Variants in BCKDHB observed in about 807,000 individuals in gnomAD.
BCKDHB encodes 2-oxoisovalerate dehydrogenase subunit beta, mitochondrial.
A neutral mutation model predicts 48.5 loss-of-function variants in BCKDHB; 41 were observed. The observed-to-expected ratio is 0.85, with a 90% CI of 0.66 to 1.10. The LOEUF is 1.10. Ranked by LOEUF, BCKDHB falls within the 50% of genes least tolerant of loss-of-function variation. BCKDHB has a pLI of 0.00. For missense variants in BCKDHB, 496 were observed against 494.2 expected, an observed-to-expected ratio of 1.00 and a Z score of -0.03; for synonymous variants, 201 against 174.8, an observed-to-expected ratio of 1.15 and a Z score of -1.18.
intron 3 of BCKDHB, among the ~76,000 whole-genome samples, chr6:80,152,254 T>C (rs1273700191): frequency 2.6e-5 from 4 of 152,198 alleles, no homozygotes; most frequent in African/African-American, 9.7e-5. Context: ...ACTCCAACTT[T>C]AATCTCTTAG....
chr6:80,326,949 T>C (rs1289976526), intron 9 of BCKDHB, among the ~76,000 whole-genome samples: 1 of 152,182 alleles, frequency 6.6e-6, no homozygotes, highest in African/African-American at 2.4e-5. Flanking sequence ...GCCTTGTTTA[T>C]TACTTGACTC....
intron 8 of BCKDHB, among the ~76,000 whole-genome samples, chr6:80,205,734 G>T (rs1041617145): frequency 6.6e-6 from 1 of 151,326 alleles, no homozygotes; most frequent in Non-Finnish European, 1.5e-5. Context: ...GAAAAGCACA[G>T]TAGAAAATTC....
chr6:80,156,637 C>T (rs1387076859), intron 3 of BCKDHB, among the ~76,000 whole-genome samples: 1 of 152,102 alleles, frequency 6.6e-6, no homozygotes. Context: ...TGTTCAAGGA[C>T]TGCTTGTTAG....
intron 3 of BCKDHB, among the ~76,000 whole-genome samples, chr6:80,142,455 G>C (rs1057029720): frequency 1.3e-5 from 2 of 151,968 alleles, no homozygotes; most frequent in Admixed American, 1.3e-4. Flanking sequence ...GAACTATTAA[G>C]TACTATAGCT....
At chr6:80,317,092 C>T (rs931595835) in intron 9 of BCKDHB, among the ~76,000 whole-genome samples, 2 of 152,164 alleles carry the variant, frequency 1.3e-5, no homozygotes, top group African/African-American at 4.8e-5. Context: ...TCAGATGTGG[C>T]CGTTCTCTCT....
chr6:80,370,179 A>G, the BCKDHB span, among the ~76,000 whole-genome samples: 25 of 152,284 alleles, frequency 1.6e-4, 1 homozygote, highest in East Asian at 4.4e-3. Context: ...TAATTAGAGG[A>G]CAATATAACA....
rs770906360 is a variant in BCKDHB, at chr6:80,168,901, C to T, written c.504C>T (p.Arg168=). ...DQIVNEAAKY[R]YRSGDLFNCG... Reference sequence around the variant, plus strand: ...TTGTTAATGAAGCTGCCAAGTATCGCTATCGCTCTGGGGATCTTTTTAACT... The same window carrying T: ...TTGTTAATGAAGCTGCCAAGTATCGTTATCGCTCTGGGGATCTTTTTAACT... The change falls in exon 5 of 10, where the codon CGC becomes CGT. Residue 168 remains arginine (R), a synonymous_variant. Transcript: ENST00000320393. 1 of 1,614,126 alleles carries T rather than the reference C, an allele frequency of 6.2e-7. No homozygotes were observed. The highest frequency in any genetic ancestry group is 8.5e-7 in the Non-Finnish European group (1 of 1,180,014).
At chr6:80,179,585 A>C (rs1773317987) in intron 6 of BCKDHB, among the ~76,000 whole-genome samples, 1 of 152,070 alleles carries the variant, frequency 6.6e-6, no homozygotes, top group Non-Finnish European at 1.5e-5. Flanking sequence ...TTGTATCTTC[A>C]AGAAGTCCTG....
At chr6:80,456,312 T>C in the BCKDHB span, among the ~76,000 whole-genome samples, 1 of 151,698 alleles carries the variant, frequency 6.6e-6, no homozygotes. Context: ...TGTCCATACG[T>C]TGAATAAAAG....
intron 8 of BCKDHB, among the ~76,000 whole-genome samples, chr6:80,246,941 C>T (rs1422767517): frequency 1.3e-5 from 2 of 152,022 alleles, no homozygotes; most frequent in African/African-American, 4.8e-5. Flanking sequence ...TGTTTAATCT[C>T]TAGTTAGACA....
At chr6:80,318,896 G>A (rs980580795) in intron 9 of BCKDHB, among the ~76,000 whole-genome samples, 1 of 152,022 alleles carries the variant, frequency 6.6e-6, no homozygotes, top group Non-Finnish European at 1.5e-5. Context: ...TTATAAAAGG[G>A]ACTTGAGCAT....
At chr6:80,200,055 C>A (rs1429665838) in intron 6 of BCKDHB, among the ~76,000 whole-genome samples, 1 of 132,540 alleles carries the variant, frequency 7.5e-6, no homozygotes, top group Non-Finnish European at 1.6e-5. Context: ...CAGAGTGAGA[C>A]CCTGTCTCAA....
At chr6:80,153,752 T>C (rs1771906750) in intron 3 of BCKDHB, among the ~76,000 whole-genome samples, 1 of 149,886 alleles carries the variant, frequency 6.7e-6, no homozygotes, top group Non-Finnish European at 1.5e-5. Context: ...TCAGATCAGC[T>C]CTGATTGATA....
the BCKDHB span, among the ~76,000 whole-genome samples, chr6:80,426,361 C>T: frequency 2.0e-5 from 3 of 151,972 alleles, no homozygotes; most frequent in East Asian, 1.9e-4. Flanking sequence ...TTGTCTTCTT[C>T]TCTTTTATTT....
Position 80,211,662 on chromosome 6 carries a change from A to C in BCKDHB, c.951+8450A>C, listed in dbSNP as rs75700264. On this transcript the variant is annotated intron_variant, in intron 8 of 9. Transcript: ENST00000320393. ...CTCCTACCACCCATCCACCCTTTAG[A>C]AAATGTTCTTTCTCCAGCAAGCCCC... 2.7e-3 allele frequency among the ~76,000 whole-genome samples: 413 copies of C among 152,304 alleles called. 2 individuals are homozygous for C. The highest frequency in any genetic ancestry group is 9.2e-3 in the African/African-American group (382 of 41,574).
intron 6 of BCKDHB, among the ~76,000 whole-genome samples, chr6:80,189,879 C>G (rs1319754206): frequency 2.6e-5 from 4 of 152,012 alleles, no homozygotes; most frequent in African/African-American, 9.7e-5. Context: ...TTTATGAATT[C>G]TAGCTAATTT....
intron 8 of BCKDHB, among the ~76,000 whole-genome samples, chr6:80,221,908 A>G (rs147365559): frequency 1.6e-3 from 246 of 152,306 alleles, no homozygotes; most frequent in Non-Finnish European, 2.7e-3. Context: ...TGGGCTTCCT[A>G]AAACAGTGTA....
At chr6:80,465,980 C>T in the BCKDHB span, 2 of 152,194 alleles carry the variant, frequency 1.3e-5, no homozygotes, top group Admixed American at 6.5e-5. Context: ...ATGGAAAGAA[C>T]CAGGAAGAAC....
chr6:80,347,091 AC>A (rs2128023455), downstream of BCKDHB, among the ~76,000 whole-genome samples: 1 of 151,834 alleles, frequency 6.6e-6, no homozygotes, highest in African/African-American at 2.4e-5. Context: ...ATCTATTTTT[AC>A]CAGCAATTTG....
Sources: allele counts gnomAD v4.1 joint callset (sites outside exome capture counted in the v4.1 genomes callset), GRCh38; gene constraint gnomAD v4.1.1; transcripts MANE v1.5; gene names NCBI Gene and HGNC (gene_info 2026-07-23, HGNC 2026-07-21).